Variants in KCNQ5 observed in about 807,000 individuals in gnomAD.
The protein encoded by KCNQ5 is potassium voltage-gated channel subfamily Q member 5, also known as potassium voltage-gated channel subfamily KQT member 5.
A neutral mutation model predicts 98.2 loss-of-function variants in KCNQ5; 30 were observed. The ratio of observed to expected loss-of-function variants is 0.31; its 90% confidence interval spans 0.23 to 0.41. The LOEUF (loss-of-function observed/expected upper bound fraction) is 0.41, where lower values mean the gene tolerates loss of function less well. Ranked by LOEUF, KCNQ5 falls within the 10% of genes least tolerant of loss-of-function variation. The pLI, the probability that KCNQ5 is intolerant of heterozygous loss-of-function variation, is 1.00. For synonymous variants in KCNQ5, 458 were observed against 449.4 expected, an observed-to-expected ratio of 1.02 and a Z score of -0.24; for missense variants, 835 against 1,182.5, an observed-to-expected ratio of 0.71 and a Z score of 4.31.
At chr6:72,839,220 T>C (rs1413251799) in intron 1 of KCNQ5, among the ~76,000 whole-genome samples, 1 of 152,232 alleles carries the variant, frequency 6.6e-6, no homozygotes, top group Admixed American at 6.5e-5. Context: ...TTCTTGCAGA[T>C]ACTACTTCCA....
chr6:72,852,465 T>C (rs573946748), intron 1 of KCNQ5, among the ~76,000 whole-genome samples: 1 of 150,612 alleles, frequency 6.6e-6, no homozygotes, highest in Admixed American at 6.6e-5. Flanking sequence ...TGCAACAACA[T>C]GGATGGAACT....
chr6:72,897,491 G>A lies in KCNQ5; in HGVS notation c.399-106417G>A, dbSNP rs146919456. Among the ~76,000 whole-genome samples, 107 of 152,220 alleles carry A rather than the reference G, an allele frequency of 7.0e-4. 1 individual carries two copies. The highest frequency in any genetic ancestry group is 2.3e-3 in the African/African-American group (97 of 41,536). ...TGGGAGACAGCTGTTGCGGGGAGCCGAGATTGTACCACCGCATTCCAGCAT... is the reference window on the plus strand; with the variant it reads ...TGGGAGACAGCTGTTGCGGGGAGCCAAGATTGTACCACCGCATTCCAGCAT... On this transcript the variant is annotated intron_variant, in intron 1 of 13. Coordinates refer to ENST00000370398, the MANE Select transcript of KCNQ5 (RefSeq NM_019842.4).
In KCNQ5 at chr6:73,132,802, T is replaced by C. The variant is rs144382970; in HGVS notation, c.1248-619T>C. ...CACATTCATTATCTGTTGGGGCTGT[T>C]CTATCTTGTGTGGTTTTCATCTCAC... On this transcript the variant is annotated intron_variant, in intron 9 of 13. Transcript: ENST00000370398. Among the ~76,000 whole-genome samples, 885 of 152,360 alleles carry C rather than the reference T, an allele frequency of 5.8e-3. 9 individuals carry two copies. Among genetic ancestry groups the C allele is most frequent in the African/African-American group, 0.02 (822 of 41,580 alleles).
chr6:73,067,882 AT>A (rs1562159044), intron 3 of KCNQ5, among the ~76,000 whole-genome samples: 30,319 of 149,536 alleles, frequency 0.2, 5,208 homozygotes, highest in African/African-American at 0.46. Context: ...ATATATATAT[AT>A]ATATATATAT....
intron 1 of KCNQ5, among the ~76,000 whole-genome samples, chr6:72,936,324 A>G (rs1385532665): frequency 6.6e-6 from 1 of 152,144 alleles, no homozygotes; most frequent in East Asian, 1.9e-4. Flanking sequence ...CTTGTGCCTG[A>G]TCTACTTTCC....
At chr6:73,014,029 A>G (rs1770201525) in intron 2 of KCNQ5, among the ~76,000 whole-genome samples, 1 of 152,132 alleles carries the variant, frequency 6.6e-6, no homozygotes, top group South Asian at 2.1e-4. Context: ...TTCTAGCCCC[A>G]GTTCACTTTG....
chr6:72,799,095 A>G (rs1416041445), intron 1 of KCNQ5, among the ~76,000 whole-genome samples: 1 of 152,098 alleles, frequency 6.6e-6, no homozygotes, highest in Non-Finnish European at 1.5e-5. Context: ...AGAGACAGAG[A>G]GAGAAGAGAG....
chr6:73,056,923 T>C (rs1186742592), intron 3 of KCNQ5, among the ~76,000 whole-genome samples: 1 of 152,130 alleles, frequency 6.6e-6, no homozygotes, highest in African/African-American at 2.4e-5. Context: ...AGTGTGGTGA[T>C]TCCTTAAGGA....
intron 8 of KCNQ5, 75 bp from the exon 9 acceptor site, chr6:73,124,411 T>G: frequency 3.8e-6 from 5 of 1,320,706 alleles, no homozygotes; most frequent in Non-Finnish European, 5.4e-6. Flanking sequence ...CAATCTCCAA[T>G]TTGGCCATTA....
chr6:72,747,217 G>A lies in KCNQ5; in HGVS notation c.398+124630G>A, dbSNP rs150670419. Among the ~76,000 whole-genome samples, 243 of 152,098 alleles carry A rather than the reference G, an allele frequency of 1.6e-3. 1 individual carries two copies. The highest frequency in any genetic ancestry group is 5.5e-3 in the African/African-American group (229 of 41,496). ...TAGATTAATTTTAAATTATATCACA[G>A]GTATTGAATATATCTCAAATATAAT... On this transcript the variant is annotated intron_variant, in intron 1 of 13. Coordinates refer to ENST00000370398, the MANE Select transcript of KCNQ5 (RefSeq NM_019842.4).
intron 1 of KCNQ5, among the ~76,000 whole-genome samples, chr6:72,665,991 T>C (rs1258893778): frequency 6.6e-6 from 1 of 152,230 alleles, no homozygotes; most frequent in Non-Finnish European, 1.5e-5. Flanking sequence ...TCTCATGACC[T>C]CATATTTGTT....
chr6:73,088,020 TCTC>T (rs1562170481), intron 5 of KCNQ5, among the ~76,000 whole-genome samples: 1 of 110,674 alleles, frequency 9.0e-6, no homozygotes, highest in Non-Finnish European at 2.1e-5. Flanking sequence ...TCTCTCTCTC[TCTC>T]TTTTTTTTTT....
At chr6:72,725,185 C>T (rs1267876732) in intron 1 of KCNQ5, among the ~76,000 whole-genome samples, 1 of 151,898 alleles carries the variant, frequency 6.6e-6, no homozygotes, top group Non-Finnish European at 1.5e-5. Context: ...CTTTTTAATG[C>T]AGTATGAAAT....
Position 73,194,848 on chromosome 6 carries a change from C to T in KCNQ5, c.2233C>T (p.Pro745Ser). 6.2e-7 allele frequency: 1 copy of T among 1,614,134 alleles called. No individual in the cohort carries two copies. The highest frequency in any genetic ancestry group is 8.5e-7 in the Non-Finnish European group (1 of 1,180,026). Residue 745 changes from proline (P) to serine (S), a missense_variant, in exon 14 of 14, where the codon CCA becomes TCA. Pro to Ser is a moderately conservative substitution (Grantham distance 74, BLOSUM62 -1). Around this residue, in one of 10 missense-constraint regions of KCNQ5, gnomAD observed 416 missense variants for 446.9 expected, o/e 0.93. Coordinates refer to ENST00000370398, the MANE Select transcript of KCNQ5 (RefSeq NM_019842.4). ...QINTAPKPAA[P>S]TTLQIPPPLP... ...AAATACGGCACCCAAGCCAGCAGCC[C>T]CAACAACTTTACAGATCCCACCTCC...
rs190847534 is a variant in KCNQ5, at chr6:73,011,727, A to T, written c.489+7729A>T. On this transcript the variant is annotated intron_variant, in intron 2 of 13. Coordinates refer to ENST00000370398, the MANE Select transcript of KCNQ5 (RefSeq NM_019842.4). The stretch of plus-strand genomic sequence containing the variant: ...AATATCTGCAAATAACATACCTGAG[A>T]AGGGGTTAATATCTGGACTATGTAG... Among the ~76,000 whole-genome samples, 357 of 152,246 alleles carry T rather than the reference A, an allele frequency of 2.3e-3. 1 individual carries two copies. Among genetic ancestry groups the T allele is most frequent in the Non-Finnish European group, 2.6e-3 (176 of 67,990 alleles).
At chr6:72,742,821 C>T (rs942795479) in intron 1 of KCNQ5, among the ~76,000 whole-genome samples, 1 of 152,132 alleles carries the variant, frequency 6.6e-6, no homozygotes, top group African/African-American at 2.4e-5. Flanking sequence ...CAGAAATGAA[C>T]ATAATGTACC....
intron 1 of KCNQ5, among the ~76,000 whole-genome samples, chr6:72,747,097 T>C (rs1771444079): frequency 6.6e-6 from 1 of 152,098 alleles, no homozygotes; most frequent in Non-Finnish European, 1.5e-5. Flanking sequence ...AAAAAAAATG[T>C]ATTTGTTTTT....
At chr6:73,155,968 C>T (rs1297938414) in intron 10 of KCNQ5, among the ~76,000 whole-genome samples, 1 of 152,126 alleles carries the variant, frequency 6.6e-6, no homozygotes, top group African/African-American at 2.4e-5. Flanking sequence ...TAACATGGAA[C>T]AGGAAGAAAA....
At chr6:72,944,546 A>G (rs1582062812) in intron 1 of KCNQ5, among the ~76,000 whole-genome samples, 1 of 152,312 alleles carries the variant, frequency 6.6e-6, no homozygotes, top group Middle Eastern at 3.4e-3. Flanking sequence ...TCATTAACTG[A>G]ATTCAAACTT....
Sources: gnomAD v4.1 joint callset for allele counts (sites outside exome capture counted in the v4.1 genomes callset) on GRCh38, gnomAD v4.1.1 for gene constraint, gnomAD v4.1.1 regional missense constraint, MANE v1.5 for transcripts, NCBI Gene and HGNC (gene_info 2026-07-23, HGNC 2026-07-21) for gene names.